The following DCDC1 variants were observed in gnomAD, a reference collection of about 807,000 sequenced individuals.
DCDC1 encodes doublecortin domain containing 1, also known as doublecortin domain-containing protein 1.
DCDC1 carries 200 observed loss-of-function variants against 178.3 expected under a neutral mutation model. The ratio of observed to expected loss-of-function variants is 1.12; its 90% CI spans 1.00 to 1.26. The LOEUF (loss-of-function observed/expected upper bound fraction) is 1.26, where lower values mean the gene tolerates loss of function less well. Among genes scored for constraint, DCDC1 ranks in the 50% most tolerant of loss-of-function variants. The probability of loss-of-function intolerance (pLI) is 0.00; values close to 1 mark genes in which losing one functional copy is unlikely to be tolerated. For missense variants in DCDC1, 1,983 were observed against 1,749.2 expected (o/e 1.13, Z -2.38); for synonymous variants, 690 against 604.8 (o/e 1.14, Z -2.07).
intron 15 of DCDC1, among the ~76,000 whole-genome samples, chr11:31,095,384 C>T (rs1958086190): frequency 6.6e-6 from 1 of 152,182 alleles, no homozygotes; most frequent in Admixed American, 6.5e-5. Context: ...AGTGGTTGAA[C>T]TAATTTACAC....
chr11:31,231,399 G>A (rs745777023), intron 9 of DCDC1, among the ~76,000 whole-genome samples: 2 of 152,116 alleles, frequency 1.3e-5, no homozygotes, highest in African/African-American at 2.4e-5. Context: ...GTGCCTGGAG[G>A]TTTTTACACC....
intron 6 of DCDC1, among the ~76,000 whole-genome samples, chr11:31,295,531 C>G (rs1947624754): frequency 6.6e-6 from 1 of 152,162 alleles, no homozygotes; most frequent in African/African-American, 2.4e-5. Flanking sequence ...TCTCCTCCCT[C>G]TTACCTAGGG....
intron 9 of DCDC1, among the ~76,000 whole-genome samples, chr11:31,195,753 A>G (rs1477085584): frequency 6.6e-6 from 1 of 151,942 alleles, no homozygotes; most frequent in Non-Finnish European, 1.5e-5. Flanking sequence ...AAAAGCTGGG[A>G]CCATAAATAT....
At chr11:31,228,902 AG>A (rs1351043341) in intron 9 of DCDC1, among the ~76,000 whole-genome samples, 2 of 152,142 alleles carry the variant, frequency 1.3e-5, no homozygotes, top group Admixed American at 6.6e-5. Flanking sequence ...GAATACTGGA[AG>A]GGGGAAAGAG....
At chr11:31,189,342 A>T (rs1393036481) in intron 9 of DCDC1, among the ~76,000 whole-genome samples, 4 of 152,154 alleles carry the variant, frequency 2.6e-5, no homozygotes, top group Non-Finnish European at 5.9e-5. Flanking sequence ...AACAAATGTA[A>T]CTTCTGCAAC....
In DCDC1 at chr11:30,863,606, T is replaced by C. The variant is rs1000859789; in HGVS notation, c.*1767A>G. On this transcript the variant is annotated 3_prime_UTR_variant, in exon 39 of 39. Transcript: ENST00000684477. ...ATGCAAAAATCACACCCACACATGC[T>C]AATAAATCTACATGGTTTATTGTTT... 3.9e-5 allele frequency: 6 copies of C among 152,248 alleles called. No individual in the cohort carries two copies. The highest frequency in any genetic ancestry group is 1.4e-4 in the African/African-American group (6 of 41,468). 9.4% of individuals were successfully genotyped at this position (152,248 alleles called of 1,614,324 possible). A position where few individuals can be genotyped will look rare whatever the true frequency, so the allele number is the denominator to read the frequency against.
intron 9 of DCDC1, among the ~76,000 whole-genome samples, chr11:31,195,205 C>A (rs562681360): frequency 6.6e-6 from 1 of 152,020 alleles, no homozygotes; most frequent in South Asian, 2.1e-4. Context: ...TGTGATATAG[C>A]GAAGAGTGGA....
chr11:31,034,533 G>A (rs1375959737), intron 20 of DCDC1, among the ~76,000 whole-genome samples: 3 of 152,036 alleles, frequency 2.0e-5, no homozygotes, highest in Non-Finnish European at 4.4e-5. Context: ...ATTTTACTGT[G>A]CCTTTTCTAT....
At chr11:31,214,869 TTAAC>T (rs768480685) in intron 9 of DCDC1, among the ~76,000 whole-genome samples, 16 of 152,020 alleles carry the variant, frequency 1.1e-4, no homozygotes, top group Non-Finnish European at 1.0e-4. Context: ...CTTCAATAAT[TTAAC>T]TAACATAAGA....
At chr11:31,013,265 C>G (rs1276609124) in intron 20 of DCDC1, among the ~76,000 whole-genome samples, 1 of 151,986 alleles carries the variant, frequency 6.6e-6, no homozygotes, top group Admixed American at 6.6e-5. Flanking sequence ...CTTTTCTTTT[C>G]AAGAGCGCTC....
Position 31,067,986 on chromosome 11 carries a change from C to A in DCDC1, c.2299-2833G>T, listed in dbSNP as rs80099925. Among the ~76,000 whole-genome samples, 538 of 152,116 alleles carry A rather than the reference C, an allele frequency of 3.5e-3. 1 individual carries two copies. The highest frequency in any genetic ancestry group is 0.012 in the African/African-American group (515 of 41,494). On this transcript the variant is annotated intron_variant, in intron 18 of 38. Transcript: ENST00000684477. ...CGTGAATATACTGAAAAACATTAAA[C>A]ACCTAAAAATAGGTGAATTATATGT...
chr11:30,925,580 C>T (rs1265859884), intron 22 of DCDC1, among the ~76,000 whole-genome samples, 172 bp from the exon 23 acceptor site: 1 of 152,158 alleles, frequency 6.6e-6, no homozygotes, highest in Non-Finnish European at 1.5e-5. Context: ...TCATTTTCCT[C>T]TCCAAATTGT....
rs757188699 is a variant in DCDC1 at position 30,925,433 on chromosome 11, A to G, written c.2898-25T>C. The G allele has an allele frequency of 1.4e-5, 23 of 1,600,814 alleles. No individual in the cohort carries two copies. The South Asian group carries it at 2.4e-4, about 17-fold the overall frequency. On this transcript the variant is annotated intron_variant, in intron 22 of 38. Transcript: ENST00000684477. ...CCTGTAATAAAAGACACAAAAATTG[A>G]CCTTGCATACAGAAAGCTTCCAGCA...
rs1974370775 is a variant in DCDC1 at position 31,222,355 on chromosome 11, G to A, written c.1221+19095C>T. Among the ~76,000 whole-genome samples the A allele has an allele frequency of 2.6e-5, 4 of 152,146 alleles. No homozygotes were observed. In the South Asian group the frequency reaches 6.2e-4, roughly 24 times the overall value. ...CTAGGATTACAGAGTGAGCCACCACGCCTGGCCTCCTCTAGTTTCTAATAA... is the reference window on the plus strand; with the variant it reads ...CTAGGATTACAGAGTGAGCCACCACACCTGGCCTCCTCTAGTTTCTAATAA... On this transcript the variant is annotated intron_variant, in intron 9 of 38. Transcript: ENST00000684477.
chr11:31,290,683 C>A lies in DCDC1; in HGVS notation c.924G>T (p.Gly308=). 2 of 1,613,034 alleles carry A rather than the reference C, an allele frequency of 1.2e-6. No individual in the cohort carries two copies. The highest frequency in any genetic ancestry group is 1.7e-6 in the Non-Finnish European group (2 of 1,179,382). The change falls in exon 7 of 39, where the codon GGG becomes GGT. Residue 308 remains glycine (G), a synonymous_variant. Coordinates refer to ENST00000684477, the MANE Select transcript of DCDC1 (RefSeq NM_001387274.1). ...TTTCTTTTCCCACTGTAATCTCATG[C>A]CCATCCTGCCCCATGCCATTCTTAA... ...LFFKNGMGQD[G]HEITVGKETM...
chr11:31,264,414 G>C (rs908144749), intron 8 of DCDC1, among the ~76,000 whole-genome samples: 2 of 152,116 alleles, frequency 1.3e-5, no homozygotes, highest in Non-Finnish European at 2.9e-5. Flanking sequence ...TTCTGACATA[G>C]ACGAGACAGT....
In DCDC1 at chr11:31,149,017, C is replaced by T. The variant is rs1022827504; in HGVS notation, c.1222-11233G>A. Among the ~76,000 whole-genome samples the T allele has an allele frequency of 1.8e-4, 27 of 152,090 alleles. 1 individual carries two copies. The highest frequency in any genetic ancestry group is 6.5e-4 in the African/African-American group (27 of 41,394). ...TATCTGGTTTTCCATTACTGAGTTA[C>T]CTCACTTAGAATAATGGCCTCCAGC... is the stretch of plus-strand genomic sequence containing the variant. On this transcript the variant is annotated intron_variant, in intron 9 of 38. Coordinates refer to ENST00000684477, the MANE Select transcript of DCDC1 (RefSeq NM_001387274.1).
At chr11:31,111,605 A>C (rs534730375) in intron 11 of DCDC1, among the ~76,000 whole-genome samples, 2 of 152,304 alleles carry the variant, frequency 1.3e-5, no homozygotes, top group South Asian at 4.1e-4. Flanking sequence ...TACTTTTCCA[A>C]GGAAACTGGT....
intron 9 of DCDC1, among the ~76,000 whole-genome samples, chr11:31,147,544 T>C (rs1964575255): frequency 6.6e-6 from 1 of 152,214 alleles, no homozygotes; most frequent in East Asian, 1.9e-4. Context: ...ATCATTACCC[T>C]GGTTATATTA....
Sources: gnomAD v4.1 joint callset for allele counts (sites outside exome capture counted in the v4.1 genomes callset) on GRCh38, gnomAD v4.1.1 for gene constraint, MANE v1.5 for transcripts, NCBI Gene and HGNC (gene_info 2026-07-23, HGNC 2026-07-21) for gene names.